PBX1: variants seen among roughly 807,000 people sequenced by gnomAD.
The protein encoded by PBX1 is PBX homeobox 1.
In PBX1, 6 loss-of-function variants were observed where a neutral mutation model predicts 53.4. The observed-to-expected ratio is 0.11, with a 90% CI of 0.06 to 0.22. The LOEUF (loss-of-function observed/expected upper bound fraction) is 0.22. Ranked by LOEUF, PBX1 falls within the 10% of genes least tolerant of loss-of-function variation. PBX1 has a pLI of 1.00. For synonymous variants in PBX1, 204 were observed against 212.3 expected (o/e 0.96, Z 0.34); for missense variants, 251 against 551.4 (o/e 0.46, Z 5.46).
At position 164,565,422 on chromosome 1, in the gene PBX1, GACAC is replaced by G. The variant is rs36118857; in HGVS notation, c.265+2139_265+2142del. Among the ~76,000 whole-genome samples, 575 of 145,968 alleles carry G rather than the reference GACAC, an allele frequency of 3.9e-3. 3 individuals are homozygous for G. The highest frequency in any genetic ancestry group is 9.4e-3 in the African/African-American group (375 of 39,772). ...AGAGTCATTGCCCCCTGTGTTAAGG[GACAC>G]ACACACACACACACACACACACACA... On this transcript the variant is annotated intron_variant, in intron 2 of 8. Transcript: ENST00000420696.
At chr1:164,691,239 C>T (rs1662466365) in intron 2 of PBX1, among the ~76,000 whole-genome samples, 1 of 151,980 alleles carries the variant, frequency 6.6e-6, no homozygotes, top group African/African-American at 2.4e-5. Flanking sequence ...GTCTCGAACT[C>T]CCGGCCTCAA....
intron 2 of PBX1, among the ~76,000 whole-genome samples, chr1:164,664,445 A>C (rs979546641): frequency 2.6e-5 from 4 of 152,182 alleles, no homozygotes; most frequent in Non-Finnish European, 4.4e-5. Context: ...GCCAGTACCA[A>C]GCCAACTCTG....
intron 2 of PBX1, among the ~76,000 whole-genome samples, chr1:164,698,082 C>T (rs901283113): frequency 5.3e-5 from 8 of 152,084 alleles, no homozygotes; most frequent in African/African-American, 1.4e-4. Context: ...AAGGGAGAAG[C>T]GGGTCTGGGA....
In PBX1 at chr1:164,659,090, C is replaced by A. The variant is rs541197566; in HGVS notation, c.265+95779C>A. Among the ~76,000 whole-genome samples, 4 of 151,874 alleles carry A rather than the reference C, an allele frequency of 2.6e-5. No individual in the cohort carries two copies. In the South Asian group the frequency reaches 8.3e-4, roughly 31 times the overall value. On this transcript the variant is annotated intron_variant, in intron 2 of 8. Transcript: ENST00000420696. ...AGGAGGCACTAAGAAAGGGCTGATTCATTCATCATCTCTTTTTCCCTACAA... is the reference window on the plus strand; with the variant it reads ...AGGAGGCACTAAGAAAGGGCTGATTAATTCATCATCTCTTTTTCCCTACAA...
intron 2 of PBX1, among the ~76,000 whole-genome samples, chr1:164,689,089 T>C (rs897436357): frequency 1.3e-5 from 2 of 152,228 alleles, no homozygotes; most frequent in African/African-American, 4.8e-5. Context: ...CTCGCCAAAG[T>C]GTTTAAACAC....
intron 2 of PBX1, among the ~76,000 whole-genome samples, chr1:164,718,314 C>T (rs1664221141): frequency 6.6e-6 from 1 of 151,970 alleles, no homozygotes; most frequent in South Asian, 2.1e-4. Context: ...CATACACAAC[C>T]TCCACAAAGA....
chr1:164,792,445 TTC>T, intron 2 of PBX1, 47 bp from the exon 3 acceptor site: 1 of 1,603,130 alleles, frequency 6.2e-7, no homozygotes, highest in Non-Finnish European at 8.5e-7. Context: ...GTTTTTTATT[TTC>T]TTTCTTGGGT....
At chr1:164,869,224 G>T (rs140897678) in intron 2 of PBX1, among the ~76,000 whole-genome samples, 2 of 152,120 alleles carry the variant, frequency 1.3e-5, no homozygotes, top group African/African-American at 4.8e-5. Flanking sequence ...CAACAGTGAC[G>T]ATGGCAGTCA....
At chr1:164,668,402 T>G (rs934838273) in intron 2 of PBX1, among the ~76,000 whole-genome samples, 1 of 152,096 alleles carries the variant, frequency 6.6e-6, no homozygotes, top group Admixed American at 6.5e-5. Context: ...TGTATACAAA[T>G]TCTCTCACCT....
At chr1:164,564,669 C>G (rs1453279052) in intron 2 of PBX1, among the ~76,000 whole-genome samples, 1 of 152,094 alleles carries the variant, frequency 6.6e-6, no homozygotes, top group Non-Finnish European at 1.5e-5. Flanking sequence ...TATTGCAAAC[C>G]TGTTAATTGC....
chr1:164,795,935 T>C (rs955800649), intron 3 of PBX1, among the ~76,000 whole-genome samples: 2 of 151,962 alleles, frequency 1.3e-5, no homozygotes, highest in African/African-American at 4.8e-5. Context: ...CTCACCCTTA[T>C]CCCTCCAAAA....
intron 2 of PBX1, among the ~76,000 whole-genome samples, chr1:164,729,616 T>A (rs1664878573): frequency 6.6e-6 from 1 of 152,162 alleles, no homozygotes; most frequent in Admixed American, 6.5e-5. Flanking sequence ...TTGAAAGAAG[T>A]AGATATGGTA....
At chr1:164,662,749 C>T (rs922806179) in intron 2 of PBX1, among the ~76,000 whole-genome samples, 4 of 152,084 alleles carry the variant, frequency 2.6e-5, no homozygotes, top group African/African-American at 4.8e-5. Context: ...TTGGTAGCTT[C>T]GTTGTTACAG....
chr1:164,845,734 A>T (rs924029587), intron 8 of PBX1, among the ~76,000 whole-genome samples: 9 of 152,228 alleles, frequency 5.9e-5, no homozygotes, highest in African/African-American at 2.2e-4. Context: ...AGTCTTGTAA[A>T]ATGATCTCCA....
chr1:164,767,678 G>C (rs1667136213), intron 2 of PBX1, among the ~76,000 whole-genome samples: 1 of 151,884 alleles, frequency 6.6e-6, no homozygotes, highest in African/African-American at 2.4e-5. Context: ...AAGGCTTTCT[G>C]TACTCACTGC....
chr1:164,862,278 C>T (rs1039553976), intron 2 of PBX1, among the ~76,000 whole-genome samples: 11 of 152,182 alleles, frequency 7.2e-5, no homozygotes, highest in African/African-American at 2.2e-4. Flanking sequence ...CCTGGAATGA[C>T]TGTCTTCATG....
At position 164,847,104 on chromosome 1, in the gene PBX1, C is replaced by T. The variant is rs983172778; in HGVS notation, c.*428C>T. The stretch of plus-strand genomic sequence containing the variant: ...GTGGTTTGAGGAGCCAAATTTACCT[C>T]ACTCGAATCCCTCACTCCCTATGTT... On this transcript the variant is annotated 3_prime_UTR_variant, in exon 9 of 9. Transcript: ENST00000420696. 3.6e-6 allele frequency: 4 copies of T among 1,097,620 alleles called. No homozygotes were observed. The highest frequency in any genetic ancestry group is 4.5e-6 in the Non-Finnish European group (4 of 896,554). The allele number at this position is 1,097,620 out of a possible 1,614,324, so 68.0% of individuals were successfully genotyped here.
intron 2 of PBX1, among the ~76,000 whole-genome samples, chr1:164,592,850 G>A (rs1655489446): frequency 6.6e-6 from 1 of 152,134 alleles, no homozygotes; most frequent in Admixed American, 6.6e-5. Flanking sequence ...TGGGTTTTCT[G>A]TCGTGAGCAC....
At chr1:164,588,717 G>T (rs1363354481) in intron 2 of PBX1, among the ~76,000 whole-genome samples, 1 of 151,878 alleles carries the variant, frequency 6.6e-6, no homozygotes, top group African/African-American at 2.4e-5. Flanking sequence ...GAGGCTGGAG[G>T]GGGAAGAAAC....
Sources: gnomAD v4.1 joint callset for allele counts (sites outside exome capture counted in the v4.1 genomes callset) on GRCh38, gnomAD v4.1.1 for gene constraint, MANE v1.5 for transcripts, NCBI Gene and HGNC (gene_info 2026-07-23, HGNC 2026-07-21) for gene names.